ACTL8: variants seen among roughly 807,000 people sequenced by gnomAD.
ACTL8 encodes the protein actin-like protein 8.
In ACTL8, 3 loss-of-function variants were observed where a neutral mutation model predicts 9.3. That is an observed-to-expected ratio of 0.32 (90% CI 0.15 to 0.83). ACTL8 has a LOEUF of 0.83. ACTL8 is among the 40% of genes least tolerant of loss of function. The pLI is 0.57. For missense variants in ACTL8, 381 were observed against 492.2 expected, an observed-to-expected ratio of 0.77 and a Z score of 2.14; for synonymous variants, 224 against 205.9, an observed-to-expected ratio of 1.09 and a Z score of -0.75.
intron 1 of ACTL8, among the ~76,000 whole-genome samples, chr1:17,763,911 C>A (rs146653327): frequency 1.3e-5 from 2 of 152,182 alleles, no homozygotes; most frequent in Non-Finnish European, 2.9e-5. Flanking sequence ...GCTGATGACT[C>A]AGCAGGTCTG....
rs2053699113 is a variant in ACTL8, at chr1:17,824,675, A to T, written c.349-1092A>T. 2.0e-5 allele frequency among the ~76,000 whole-genome samples: 3 copies of T among 152,304 alleles called. No homozygotes were observed. The South Asian group carries it at 6.2e-4, about 32-fold the overall frequency. On this transcript the variant is annotated intron_variant, in intron 2 of 2. Transcript: ENST00000375406. ...TACACTACAATATTATTTATTATTG[A>T]TCTGACATTCACATGTAACTGGGCA...
chr1:17,795,060 A>G lies in ACTL8; in HGVS notation c.-24-27925A>G, dbSNP rs540225516. ...TAGTTGATTTCACTTTCATGTTCAA[A>G]TAGTTTAGAAGAGGGTCCATTCCTG... On this transcript the variant is annotated intron_variant, in intron 1 of 2. Coordinates refer to ENST00000375406, the MANE Select transcript of ACTL8 (RefSeq NM_030812.3). 2.0e-5 allele frequency among the ~76,000 whole-genome samples: 3 copies of G among 152,342 alleles called. No individual in the cohort carries two copies. In the South Asian group the frequency reaches 6.2e-4, roughly 32 times the overall value.
chr1:17,772,862 G>A (rs886581242), intron 1 of ACTL8, among the ~76,000 whole-genome samples: 1 of 152,130 alleles, frequency 6.6e-6, no homozygotes, highest in East Asian at 1.9e-4. Context: ...GGGCCTCTGT[G>A]TGGGTAATGA....
chr1:17,775,480 C>T (rs1386568105), intron 1 of ACTL8, among the ~76,000 whole-genome samples: 1 of 152,140 alleles, frequency 6.6e-6, no homozygotes, highest in Non-Finnish European at 1.5e-5. Context: ...TACCAGAGGC[C>T]AGGAGGTCCA....
intron 1 of ACTL8, among the ~76,000 whole-genome samples, chr1:17,756,332 T>G (rs1002880804): frequency 6.6e-6 from 1 of 152,014 alleles, no homozygotes; most frequent in Non-Finnish European, 1.5e-5. Flanking sequence ...GGACTCTACC[T>G]TGGCCTTGAG....
chr1:17,811,743 G>T (rs2066393906), intron 1 of ACTL8, among the ~76,000 whole-genome samples: 1 of 152,056 alleles, frequency 6.6e-6, no homozygotes, highest in South Asian at 2.1e-4. Context: ...AATTGTCCTT[G>T]TACCTTTGTC....
chr1:17,773,010 A>G (rs112276681), intron 1 of ACTL8, among the ~76,000 whole-genome samples: 1 of 152,216 alleles, frequency 6.6e-6, no homozygotes, highest in Non-Finnish European at 1.5e-5. Context: ...AGCAGCAATC[A>G]TACCAGCATT....
chr1:17,776,817 T>C (rs898974861), intron 1 of ACTL8, among the ~76,000 whole-genome samples: 2 of 152,038 alleles, frequency 1.3e-5, no homozygotes, highest in Non-Finnish European at 2.9e-5. Context: ...TCCTTTTTCT[T>C]TGGACAGGGT....
chr1:17,820,099 C>T (rs1215448426), intron 1 of ACTL8, among the ~76,000 whole-genome samples: 3 of 152,182 alleles, frequency 2.0e-5, no homozygotes, highest in African/African-American at 7.2e-5. Flanking sequence ...GTGCCCAGCT[C>T]CACAAACAAG....
At chr1:17,809,729 A>G (rs919248228) in intron 1 of ACTL8, among the ~76,000 whole-genome samples, 1 of 151,856 alleles carries the variant, frequency 6.6e-6, no homozygotes, top group Admixed American at 6.6e-5. Flanking sequence ...CATCACTCCC[A>G]GATGGGACCA....
chr1:17,798,192 C>T (rs2066292197), intron 1 of ACTL8, among the ~76,000 whole-genome samples: 1 of 109,956 alleles, frequency 9.1e-6, no homozygotes, highest in Non-Finnish European at 1.8e-5. Flanking sequence ...TCTGCCTTCC[C>T]TTTTCCTGAA....
chr1:17,771,838 C>T (rs533798985), intron 1 of ACTL8, among the ~76,000 whole-genome samples: 3 of 152,142 alleles, frequency 2.0e-5, no homozygotes, highest in Non-Finnish European at 4.4e-5. Flanking sequence ...GGGGTCACCA[C>T]CGTTTCTTGC....
At chr1:17,764,976 C>T (rs571457205) in intron 1 of ACTL8, among the ~76,000 whole-genome samples, 1 of 152,324 alleles carries the variant, frequency 6.6e-6, no homozygotes, top group East Asian at 1.9e-4. Flanking sequence ...TGTTGGAATC[C>T]ACCCAGGTAA....
chr1:17,762,682 G>A (rs2066015561), intron 1 of ACTL8, among the ~76,000 whole-genome samples: 1 of 152,124 alleles, frequency 6.6e-6, no homozygotes, highest in Non-Finnish European at 1.5e-5. Context: ...CCAGGGGCTG[G>A]CGTTTGTGGT....
chr1:17,787,048 G>A (rs748407391), intron 1 of ACTL8, among the ~76,000 whole-genome samples: 2 of 152,082 alleles, frequency 1.3e-5, no homozygotes, highest in Admixed American at 6.6e-5. Flanking sequence ...ATAAAGTTCA[G>A]TATATTTTTT....
At chr1:17,757,789 G>C (rs1245166481) in intron 1 of ACTL8, among the ~76,000 whole-genome samples, 1 of 152,190 alleles carries the variant, frequency 6.6e-6, no homozygotes, top group Admixed American at 6.5e-5. Context: ...ACTAGCCTGG[G>C]CTGGATGCAT....
At chr1:17,807,092 TG>T (rs2066364476) in intron 1 of ACTL8, among the ~76,000 whole-genome samples, 1 of 152,242 alleles carries the variant, frequency 6.6e-6, no homozygotes, top group Non-Finnish European at 1.5e-5. Context: ...TCTCTGACTC[TG>T]GCCATACTCT....
chr1:17,800,186 C>T (rs975477103), intron 1 of ACTL8, among the ~76,000 whole-genome samples: 1 of 152,124 alleles, frequency 6.6e-6, no homozygotes, highest in Non-Finnish European at 1.5e-5. Flanking sequence ...TAACATGTGA[C>T]TAATGTTAAC....
chr1:17,781,536 A>G (rs2066154809), intron 1 of ACTL8, among the ~76,000 whole-genome samples: 2 of 152,086 alleles, frequency 1.3e-5, no homozygotes, highest in Non-Finnish European at 2.9e-5. Context: ...ACTGCACCCA[A>G]CCAGGATACC....
Sources: allele counts gnomAD v4.1 joint callset (sites outside exome capture counted in the v4.1 genomes callset), GRCh38; gene constraint gnomAD v4.1.1; transcripts MANE v1.5; gene names NCBI Gene and HGNC (gene_info 2026-07-23, HGNC 2026-07-21).